The following UGT2B15 variants were observed in gnomAD, a reference collection of about 807,000 sequenced individuals.
UGT2B15 encodes UDP-glucuronosyltransferase 2B15.
In UGT2B15, 36 loss-of-function variants were observed where a neutral mutation model predicts 45.9. The ratio of observed to expected loss-of-function variants is 0.78; its 90% CI spans 0.60 to 1.04. The LOEUF is 1.04. UGT2B15 is among the 50% of genes least tolerant of loss of function. The pLI is 0.00. For missense variants in UGT2B15, 617 were observed against 622.4 expected, an observed-to-expected ratio of 0.99 and a Z score of 0.09; for synonymous variants, 219 against 216.4, an observed-to-expected ratio of 1.01 and a Z score of -0.11.
At chr4:68,653,847 C>T (rs1486288405) in intron 5 of UGT2B15, among the ~76,000 whole-genome samples, 190 bp downstream of exon 5, 1 of 151,252 alleles carries the variant, frequency 6.6e-6, no homozygotes, top group South Asian at 2.1e-4. Flanking sequence ...CATTGGTGAC[C>T]CATTAAATCT....
Position 68,663,082 on chromosome 4 carries a change from C to A in UGT2B15, c.931G>T (p.Gly311Trp), listed in dbSNP as rs1733012201. The A allele has an allele frequency of 6.3e-7, 1 of 1,576,750 alleles. No individual in the cohort carries two copies. Among genetic ancestry groups the A allele is most frequent in the Admixed American group, 1.8e-5 (1 of 54,090 alleles). Reference protein sequence around the residue: ...GENGIVVFSLGSMISNMSEES... With the variant: ...GENGIVVFSLWSMISNMSEES... Reference sequence around the variant, plus strand: ...TCTGACATGTTACTGATCATCGACCCCAGAGAAAACACCACAATACCATTT... The same window carrying A: ...TCTGACATGTTACTGATCATCGACCACAGAGAAAACACCACAATACCATTT... The change falls in exon 3 of 6, where the codon GGG becomes TGG. Residue 311 changes from glycine to tryptophan, a missense_variant. This residue lies in a region of UGT2B15 where 1 missense variants were observed against 35.2 expected (regional missense o/e 0.03). Coordinates refer to ENST00000338206, the MANE Select transcript of UGT2B15 (RefSeq NM_001076.4).
chr4:68,661,832 T>C (rs1015029472), intron 3 of UGT2B15, among the ~76,000 whole-genome samples: 2 of 152,114 alleles, frequency 1.3e-5, no homozygotes, highest in Non-Finnish European at 2.9e-5. Context: ...CAATTCATGA[T>C]TAACAATACA....
chr4:68,666,752 A>ATATATATATATATAT (rs1553925091), intron 2 of UGT2B15, among the ~76,000 whole-genome samples: 22 of 127,854 alleles, frequency 1.7e-4, no homozygotes, highest in African/African-American at 4.5e-4. Flanking sequence ...ATATATATAT[A>ATATATATATATATAT]TTTTTTTTTT....
chr4:68,648,740 T>C (rs1007184221), intron 5 of UGT2B15, among the ~76,000 whole-genome samples: 1 of 152,144 alleles, frequency 6.6e-6, no homozygotes, highest in African/African-American at 2.4e-5. Context: ...ACTATTTTTA[T>C]CCTCAAAGTA....
intron 3 of UGT2B15, among the ~76,000 whole-genome samples, chr4:68,657,639 C>T (rs575933528): frequency 2.6e-5 from 4 of 152,158 alleles, no homozygotes; most frequent in South Asian, 2.1e-4. Flanking sequence ...GAAGGTAATA[C>T]GGTCTTTGTG....
At chr4:68,662,088 T>C (rs1438641367) in intron 3 of UGT2B15, among the ~76,000 whole-genome samples, 2 of 152,070 alleles carry the variant, frequency 1.3e-5, no homozygotes, top group African/African-American at 4.8e-5. Flanking sequence ...CTCTGTGTTT[T>C]CAGCAAAAAC....
intron 4 of UGT2B15, among the ~76,000 whole-genome samples, chr4:68,654,808 C>T (rs573044122): frequency 1.3e-5 from 2 of 152,004 alleles, no homozygotes; most frequent in South Asian, 2.1e-4. Flanking sequence ...AAATAGGAGA[C>T]AGACAGAAAA....
intron 5 of UGT2B15, among the ~76,000 whole-genome samples, chr4:68,649,804 G>A (rs1396857995): frequency 6.6e-6 from 1 of 151,460 alleles, no homozygotes; most frequent in East Asian, 1.9e-4. Flanking sequence ...TAAATTTAAT[G>A]TGAGTACTGG....
At chr4:68,655,643 G>C (rs1732782126) in intron 3 of UGT2B15, among the ~76,000 whole-genome samples, 1 of 152,018 alleles carries the variant, frequency 6.6e-6, no homozygotes, top group African/African-American at 2.4e-5. Context: ...CCTATGACCT[G>C]GAAGCCCCTT....
rs182156723 is a variant in UGT2B15 at position 68,647,533 on chromosome 4, T to C, written c.1314-150A>G. ...TGAAATTTCAATGTTTTAATTCATG[T>C]CATTACAGAAAGTTTGGTTTTTAAA... On this transcript the variant is annotated intron_variant, in intron 5 of 5. Transcript: ENST00000338206. 4.3e-4 allele frequency: 458 copies of C among 1,059,682 alleles called. 1 individual carries two copies. The East Asian group carries it at 0.011, about 26-fold the overall frequency. The allele number at this position is 1,059,682 out of a possible 1,614,324, so 65.6% of individuals were successfully genotyped here. A position where few individuals can be genotyped will look rare whatever the true frequency, so the allele number is the denominator to read the frequency against.
At chr4:68,649,884 G>A (rs1419319146) in intron 5 of UGT2B15, among the ~76,000 whole-genome samples, 1 of 151,406 alleles carries the variant, frequency 6.6e-6, no homozygotes, top group African/African-American at 2.4e-5. Context: ...GTCACCAGGA[G>A]TTCAGTGGCA....
intron 1 of UGT2B15, 144 bp from the exon 2 acceptor site, chr4:68,668,332 A>C: frequency 8.7e-7 from 1 of 1,144,096 alleles, no homozygotes; most frequent in Non-Finnish European, 1.2e-6. Context: ...ATATATAAAT[A>C]CATTTATATA....
chr4:68,654,149 G>A lies in UGT2B15; in HGVS notation c.1201C>T (p.His401Tyr), dbSNP rs755114367. ...GCTTTCATGTGAGCAATGTTATCAT[G>A]TTGATCCGCAAACAAGGGAATGCCC... ...MVGIPLFADQ[H>Y]DNIAHMKAKG... is the part of the protein sequence containing the mutation. The change falls in exon 5 of 6, where the codon CAT becomes TAT. Residue 401 changes from histidine to tyrosine, a missense_variant. Physicochemically the swap from His to Tyr is moderately conservative, Grantham distance 83. This residue lies in a region of UGT2B15 where 265 missense variants were observed against 245.1 expected (regional missense o/e 1.08). Coordinates refer to ENST00000338206, the MANE Select transcript of UGT2B15 (RefSeq NM_001076.4). The A allele has an allele frequency of 6.2e-7, 1 of 1,613,582 alleles. No homozygotes were observed. Among genetic ancestry groups the A allele is most frequent in the Admixed American group, 1.7e-5 (1 of 59,954 alleles).
chr4:68,661,666 T>C (rs1353784880), intron 3 of UGT2B15, among the ~76,000 whole-genome samples: 2 of 152,118 alleles, frequency 1.3e-5, no homozygotes, highest in African/African-American at 4.8e-5. Flanking sequence ...GAAATAATGC[T>C]ACATATGTAG....
At chr4:68,658,465 G>A (rs1160212) in intron 3 of UGT2B15, among the ~76,000 whole-genome samples, 8,831 of 151,998 alleles carry the variant, frequency 0.058, 610 homozygotes, top group East Asian at 0.26. Flanking sequence ...TATTAATCAA[G>A]CAATTTCATA....
At position 68,663,031 on chromosome 4, in the gene UGT2B15, C is replaced by G; in HGVS notation, c.982G>C (p.Ala328Pro). ...ACCTTTTGTGGGATCTGGGCAAGGG[C>G]TGATGCAATCATGTTGGCACTTTCT... ...SEESANMIAS[A>P]LAQIPQKVLW... Residue 328 changes from alanine (A) to proline (P), a missense_variant, in exon 3 of 6, where the codon GCC becomes CCC. By Grantham distance (27) the Ala-to-Pro change is conservative. Around this residue, in one of 3 missense-constraint regions of UGT2B15, gnomAD observed 265 missense variants for 245.1 expected, o/e 1.08. Transcript: ENST00000338206. 6.5e-7 allele frequency: 1 copy of G among 1,534,118 alleles called. No homozygotes were observed. The highest frequency in any genetic ancestry group is 1.5e-5 in the African/African-American group (1 of 68,866).
chr4:68,667,295 A>G (rs984627048), intron 2 of UGT2B15, among the ~76,000 whole-genome samples: 4 of 151,840 alleles, frequency 2.6e-5, no homozygotes, highest in African/African-American at 7.3e-5. Flanking sequence ...TTAAGTAGCT[A>G]CGACTATGAG....
rs763640826 is a variant in UGT2B15 at position 68,654,136 on chromosome 4, G to C, written c.1214C>G (p.Ala405Gly). ...GGCTGCTCCCTTGGCTTTCATGTGA[G>C]CAATGTTATCATGTTGATCCGCAAA... ...PLFADQHDNI[A>G]HMKAKGAALS... The change falls in exon 5 of 6, where the codon GCT becomes GGT. Residue 405 changes from alanine to glycine, a missense_variant. Ala to Gly is a moderately conservative substitution (Grantham distance 60). Transcript: ENST00000338206. 4.0e-5 allele frequency: 65 copies of C among 1,613,506 alleles called. 1 individual carries two copies. Among genetic ancestry groups the C allele is most frequent in the Admixed American group, 1.8e-4 (11 of 59,944 alleles).
intron 3 of UGT2B15, among the ~76,000 whole-genome samples, chr4:68,660,175 T>C (rs1304647360): frequency 2.0e-5 from 3 of 151,652 alleles, no homozygotes; most frequent in Admixed American, 6.6e-5. Flanking sequence ...TATCAAGGCT[T>C]CCACTGGTAT....
Sources: allele counts gnomAD v4.1 joint callset (sites outside exome capture counted in the v4.1 genomes callset), GRCh38; gene constraint gnomAD v4.1.1; regional missense constraint gnomAD v4.1.1; transcripts MANE v1.5; gene names NCBI Gene and HGNC (gene_info 2026-07-23, HGNC 2026-07-21).